ENPP2: variants seen among roughly 807,000 people sequenced by gnomAD.
ENPP2 encodes the protein autotaxin.
A neutral mutation model predicts 120.2 loss-of-function variants in ENPP2; 51 were observed. The ratio of observed to expected loss-of-function variants is 0.42; its 90% confidence interval spans 0.34 to 0.54. The LOEUF (loss-of-function observed/expected upper bound fraction) is 0.54. ENPP2 is among the 20% of genes least tolerant of loss of function. ENPP2 has a pLI of 0.04. For missense variants in ENPP2, 920 were observed against 1,066.5 expected (o/e 0.86, Z 1.91); for synonymous variants, 365 against 366.4 (o/e 1.00, Z 0.04).
chr8:119,665,672 A>C (rs1818048043), intron 1 of ENPP2, among the ~76,000 whole-genome samples: 1 of 152,256 alleles, frequency 6.6e-6, no homozygotes, highest in Non-Finnish European at 1.5e-5. Flanking sequence ...AGGCACCTTC[A>C]TTAATTTATA....
At position 119,582,538 on chromosome 8, in the gene ENPP2, G is replaced by A. The variant is rs1384751872; in HGVS notation, c.1608C>T (p.Arg536=). The A allele has an allele frequency of 4.3e-6, 7 of 1,613,498 alleles. No homozygotes were observed. Among genetic ancestry groups the A allele is most frequent in the Non-Finnish European group, 5.9e-6 (7 of 1,179,530 alleles). Residue 536 remains arginine (R), a synonymous_variant, in exon 18 of 25, where the codon CGC becomes CGT. Coordinates refer to ENST00000075322, the MANE Select transcript of ENPP2 (RefSeq NM_001040092.3). Reference sequence around the variant, plus strand: ...GCATGGTTGGCCTGAAGGTATTAGTGCGCAGGAGATGATTCAAACTTCCAT... The same window carrying A: ...GCATGGTTGGCCTGAAGGTATTAGTACGCAGGAGATGATTCAAACTTCCAT... ...GTHGSLNHLL[R]TNTFRPTMPE...
intron 12 of ENPP2, 31 bp from the exon 13 acceptor site, chr8:119,590,661 G>A (rs755809650): frequency 1.4e-6 from 2 of 1,465,428 alleles, no homozygotes; most frequent in Admixed American, 2.4e-5. Context: ...AATATTTTCA[G>A]GCAAGACTAA....
chr8:119,673,173 T>A lies in ENPP2; in HGVS notation c.21+79A>T, dbSNP rs1818303822. ...CAAACCTGGAGGCCCTTTGCAAGGT[T>A]TTTCTGCTTGACAGAATGGCAGCTG... On this transcript the variant is annotated intron_variant, in intron 1 of 25. Transcript: ENST00000427067. 1.0e-5 allele frequency: 13 copies of A among 1,304,806 alleles called. No individual in the cohort carries two copies. In the South Asian group the frequency reaches 1.6e-4, roughly 16 times the overall value. 80.8% of individuals were successfully genotyped at this position (1,304,806 alleles called of 1,614,324 possible).
Position 119,569,328 on chromosome 8 carries a change from G to A in ENPP2, c.1960C>T (p.Arg654Trp), listed in dbSNP as rs138793770. 80 of 1,613,988 alleles carry A rather than the reference G, an allele frequency of 5.0e-5. 1 individual carries two copies. Among genetic ancestry groups the A allele is most frequent in the South Asian group, 1.8e-4 (16 of 91,082 alleles). ...SVPDHLTSCVRPDVRVSPSFS... is the reference protein window; with the variant it reads ...SVPDHLTSCVWPDVRVSPSFS... ...CTCGGAGAAACACGGACATCAGGCCGGACGCAACTGGTCAGATGGTCAGGA... is the reference window on the plus strand; with the variant it reads ...CTCGGAGAAACACGGACATCAGGCCAGACGCAACTGGTCAGATGGTCAGGA... Residue 654 changes from arginine to tryptophan, a missense_variant, in exon 21 of 25, where the codon CGG (arginine) becomes TGG (tryptophan). Transcript: ENST00000075322.
chr8:119,592,527 A>T (rs1431646775), intron 12 of ENPP2, among the ~76,000 whole-genome samples: 1 of 151,514 alleles, frequency 6.6e-6, no homozygotes, highest in Non-Finnish European at 1.5e-5. Flanking sequence ...AGTTGTCCCA[A>T]ACCAAATGGA....
chr8:119,619,110 C>T, intron 5 of ENPP2, 134 bp downstream of exon 5: 1 of 664,340 alleles, frequency 1.5e-6, no homozygotes, highest in Non-Finnish European at 2.7e-6. Flanking sequence ...ATGAATTACT[C>T]CTAAGTACTC....
chr8:119,579,748 C>G (rs1057083229), intron 19 of ENPP2, among the ~76,000 whole-genome samples: 5 of 152,046 alleles, frequency 3.3e-5, no homozygotes, highest in African/African-American at 1.2e-4. Context: ...TACACTGACT[C>G]TCGAGGTAGA....
chr8:119,601,431 T>C lies in ENPP2; in HGVS notation c.865A>G (p.Ile289Val). The change falls in exon 10 of 25, where the codon ATA becomes GTA. Residue 289 changes from isoleucine to valine, a missense_variant. Coordinates refer to ENST00000075322, the MANE Select transcript of ENPP2 (RefSeq NM_001040092.3). ...VIPHERRILT[I>V]LQWLTLPDHE... ...TCTGGCAGGGTGAGCCACTGCAATATGGTTAATATTCTCCGCTCGTGAGGG... is the reference window on the plus strand; with the variant it reads ...TCTGGCAGGGTGAGCCACTGCAATACGGTTAATATTCTCCGCTCGTGAGGG... 2 of 1,612,568 alleles carry C rather than the reference T, an allele frequency of 1.2e-6. No individual in the cohort carries two copies. The highest frequency in any genetic ancestry group is 1.7e-6 in the Non-Finnish European group (2 of 1,178,682).
chr8:119,583,719 C>T lies in ENPP2; in HGVS notation c.1541G>A (p.Cys514Tyr). The T allele has an allele frequency of 6.6e-7, 1 of 1,523,934 alleles. No homozygotes were observed. The highest frequency in any genetic ancestry group is 9.1e-7 in the Non-Finnish European group (1 of 1,100,140). The allele number at this position is 1,523,934 out of a possible 1,614,324, so 94.4% of individuals were successfully genotyped here. The change falls in exon 17 of 25, where the codon TGT (cysteine) becomes TAT (tyrosine). Residue 514 changes from cysteine to tyrosine, a missense_variant and splice_region_variant. Physicochemically the swap from Cys to Tyr is radical, Grantham distance 194. Coordinates refer to ENST00000075322, the MANE Select transcript of ENPP2 (RefSeq NM_001040092.3). The part of the protein sequence containing the change: ...FENIELYNVM[C>Y]DLLGLKPAPN... ...TTCTGATTAAATGAGTGACTTACCA[C>T]ACATAACATTGTAAAGTTCAATGTT...
rs748275252 is a variant in ENPP2, at chr8:119,569,331, C to T, written c.1957G>A (p.Val653Ile). The T allele has an allele frequency of 2.1e-5, 34 of 1,613,850 alleles. No homozygotes were observed. Among genetic ancestry groups the T allele is most frequent in the African/African-American group, 1.6e-4 (12 of 74,868 alleles). The change falls in exon 21 of 25, where the codon GTC (valine) becomes ATC (isoleucine). Residue 653 changes from valine to isoleucine, a missense_variant. By Grantham distance (29) the Val-to-Ile change is conservative. Transcript: ENST00000075322. The part of the protein sequence containing the change: ...SSVPDHLTSC[V>I]RPDVRVSPSF... ...GGAGAAACACGGACATCAGGCCGGA[C>T]GCAACTGGTCAGATGGTCAGGAACG...
At chr8:119,558,790 AG>A (rs889380412) in intron 24 of ENPP2, among the ~76,000 whole-genome samples, 6 of 152,084 alleles carry the variant, frequency 3.9e-5, no homozygotes, top group African/African-American at 1.4e-4. Context: ...CCCTTCTACA[AG>A]TTGAAGGGTG....
upstream of ENPP2, among the ~76,000 whole-genome samples, chr8:119,641,329 C>CA (rs574222819): frequency 4.1e-3 from 566 of 138,260 alleles, 4 homozygotes; most frequent in African/African-American, 0.014. Context: ...AAAAAAAAAA[C>CA]AAAAAAAAGC....
At chr8:119,630,810 A>G (rs1325170133) in intron 2 of ENPP2, among the ~76,000 whole-genome samples, 1 of 152,220 alleles carries the variant, frequency 6.6e-6, no homozygotes, top group Admixed American at 6.5e-5. Context: ...GACAGGAAAG[A>G]AAAAGGGAAG....
intron 2 of ENPP2, 34 bp from the exon 3 acceptor site, chr8:119,626,754 G>A (rs551740540): frequency 1.2e-6 from 2 of 1,606,662 alleles, no homozygotes; most frequent in East Asian, 2.2e-5. Context: ...CAATGGACTG[G>A]AGAGTGGTCA....
chr8:119,638,983 T>A, upstream of ENPP2: 1 of 609,064 alleles, frequency 1.6e-6, no homozygotes, highest in Non-Finnish European at 2.9e-6. Context: ...TAAGCTATCA[T>A]CCCCCTTATC....
intron 1 of ENPP2, among the ~76,000 whole-genome samples, chr8:119,661,949 A>G (rs1180510222): frequency 6.6e-6 from 1 of 152,166 alleles, no homozygotes; most frequent in Non-Finnish European, 1.5e-5. Context: ...GATTGCATTT[A>G]TATGTGGAAT....
Position 119,584,061 on chromosome 8 carries a change from C to T in ENPP2, c.1368-12G>A, listed in dbSNP as rs574007126. On this transcript the variant is annotated splice_polypyrimidine_tract_variant and intron_variant, in intron 15 of 24. Coordinates refer to ENST00000075322, the MANE Select transcript of ENPP2 (RefSeq NM_001040092.3). ...CATCCAAAGGTTTCCTAAATTGAAA[C>T]AATTTCATGATTAGTTAGAATTTCT... 2.6e-6 allele frequency: 4 copies of T among 1,537,174 alleles called. No individual in the cohort carries two copies. In the African/African-American group the frequency reaches 4.1e-5, roughly 16 times the overall value.
intron 1 of ENPP2, among the ~76,000 whole-genome samples, chr8:119,660,302 C>T (rs747615722): frequency 1.2e-4 from 18 of 152,272 alleles, no homozygotes; most frequent in South Asian, 2.1e-4. Flanking sequence ...CAGACATGAT[C>T]TCATTTAAAC....
intron 2 of ENPP2, among the ~76,000 whole-genome samples, chr8:119,633,982 A>T (rs1816840551): frequency 1.3e-5 from 2 of 152,114 alleles, no homozygotes; most frequent in South Asian, 4.1e-4. Context: ...CAGGAGTTCG[A>T]GAGCAGCCTG....
Sources: allele counts gnomAD v4.1 joint callset (sites outside exome capture counted in the v4.1 genomes callset), GRCh38; gene constraint gnomAD v4.1.1; transcripts MANE v1.5; gene names NCBI Gene and HGNC (gene_info 2026-07-23, HGNC 2026-07-21).